Variants in SPOCD1 observed in about 807,000 individuals in gnomAD.
SPOCD1 encodes SPOC domain-containing protein 1.
SPOCD1 carries 64 observed loss-of-function variants against 92.2 expected under a neutral mutation model. That is an observed-to-expected ratio of 0.69 (90% CI 0.57 to 0.86). The LOEUF (loss-of-function observed/expected upper bound fraction) is 0.86, where lower values mean the gene tolerates loss of function less well. Among genes scored for constraint, SPOCD1 ranks in the 40% least tolerant of loss-of-function variants. The pLI is 0.00. For synonymous variants in SPOCD1, 578 were observed against 619.3 expected, an observed-to-expected ratio of 0.93 and a Z score of 0.99; for missense variants, 1,360 against 1,543.1, an observed-to-expected ratio of 0.88 and a Z score of 1.99.
At chr1:31,813,823 G>T in intron 2 of SPOCD1, 128 bp downstream of exon 2, 2 of 816,266 alleles carry the variant, frequency 2.5e-6, no homozygotes, top group Non-Finnish European at 3.6e-6. Flanking sequence ...ACCCAGTTTA[G>T]TTAATAGGGA....
chr1:31,798,581 G>A lies in SPOCD1; in HGVS notation c.1889C>T (p.Pro630Leu). Residue 630 changes from proline to leucine, a missense_variant, in exon 8 of 16, where the codon CCA (proline) becomes CTA (leucine). Pro to Leu is a moderately conservative substitution (Grantham distance 98, BLOSUM62 -3). Transcript: ENST00000360482. This position sits in a 1 kb window ranked among gnomAD's most constrained non-coding sequence, Gnocchi z 4.1. ...CTCCACCACCTCCTCACTCAGCACT[G>A]GGTCTGGGAGCTCCCGAAGGCTGTG... is the stretch of plus-strand genomic sequence containing the variant. ...LWTRLRELPD[P>L]VLSEEVVEGI... 6.2e-7 allele frequency: 1 copy of A among 1,613,298 alleles called. No individual in the cohort carries two copies. Among genetic ancestry groups the A allele is most frequent in the Non-Finnish European group, 8.5e-7 (1 of 1,179,894 alleles).
rs949818709 is a variant in SPOCD1, at chr1:31,815,966, C to T, written c.-45G>A. The T allele has an allele frequency of 6.7e-6, 1 of 150,226 alleles. No individual in the cohort carries two copies. The highest frequency in any genetic ancestry group is 2.1e-4 in the South Asian group (1 of 4,722). 9.3% of individuals were successfully genotyped at this position (150,226 alleles called of 1,614,324 possible). ...ATCGGTCGCGTCGCTCTCACCTGGG[C>T]TTCCCTGAGTTTTCCCTCCTGGGGT... On this transcript the variant is annotated 5_prime_UTR_variant, in exon 1 of 16. Transcript: ENST00000360482.
In SPOCD1 at chr1:31,793,320, G is replaced by A; in HGVS notation, c.2643C>T (p.Ala881=). ...LDMFSIKRFR[A]RAQLVSGHSC... is the part of the protein sequence containing the mutation. ...TGTGTCCCGAGACCAGCTGGGCCCT[G>A]GCCCGGAACCGCTTGATGGAGAACA... The change falls in exon 13 of 16, where the codon GCC becomes GCT. Residue 881 remains alanine, a synonymous_variant. Coordinates refer to ENST00000360482, the MANE Select transcript of SPOCD1 (RefSeq NM_144569.7). 6.3e-7 allele frequency: 1 copy of A among 1,592,280 alleles called. No individual in the cohort carries two copies. Among genetic ancestry groups the A allele is most frequent in the Non-Finnish European group, 8.6e-7 (1 of 1,169,400 alleles).
rs1647831019 is a variant in SPOCD1 at position 31,794,223 on chromosome 1, A to T, written c.2284T>A (p.Phe762Ile). Reference sequence around the variant, plus strand: ...AGGGCCTGTGGGCTGCAGTCCATGAACATCTGCGGTCCCTGGGAGGCAGAA... The same window carrying T: ...AGGGCCTGTGGGCTGCAGTCCATGATCATCTGCGGTCCCTGGGAGGCAGAA... ...TLEDLVGPQM[F>I]MDCSPQALPI... The change falls in exon 11 of 16, where the codon TTC becomes ATC. Residue 762 changes from phenylalanine to isoleucine, a missense_variant. Phe to Ile is a conservative substitution (Grantham distance 21, BLOSUM62 0). Around this residue, in one of 3 missense-constraint regions of SPOCD1, gnomAD observed 614 missense variants for 757.8 expected, o/e 0.81. Transcript: ENST00000360482. 6.2e-7 allele frequency: 1 copy of T among 1,612,676 alleles called. No homozygotes were observed. Among genetic ancestry groups the T allele is most frequent in the Admixed American group, 1.7e-5 (1 of 59,996 alleles).
In SPOCD1 at chr1:31,800,043, G is replaced by A; in HGVS notation, c.1701C>T (p.Asp567=). The change falls in exon 5 of 16, where the codon GAC becomes GAT. Residue 567 remains aspartate (D), a synonymous_variant. Coordinates refer to ENST00000360482, the MANE Select transcript of SPOCD1 (RefSeq NM_144569.7). The part of the protein sequence containing the change: ...PPRSGSLALG[D]PSSDPACSQS... ...GGGAACATGCAGGGTCCGAGCTGGG[G>A]TCGCCAAGGGCCAGGGAACCGCTTC... 1 of 1,611,376 alleles carries A rather than the reference G, an allele frequency of 6.2e-7. No homozygotes were observed. Among genetic ancestry groups the A allele is most frequent in the South Asian group, 1.1e-5 (1 of 90,914 alleles).
chr1:31,799,884 A>G (rs1352006351), intron 5 of SPOCD1, 21 bp from the exon 6 acceptor site: 13 of 1,613,950 alleles, frequency 8.1e-6, no homozygotes, highest in Non-Finnish European at 1.1e-5. Context: ...GGCGTGAGGA[A>G]TTGAGGCTGT....
Position 31,814,978 on chromosome 1 carries a change from A to T in SPOCD1, c.356T>A (p.Leu119His), listed in dbSNP as rs1462154114. 6.2e-7 allele frequency: 1 copy of T among 1,613,832 alleles called. No homozygotes were observed. The highest frequency in any genetic ancestry group is 2.2e-5 in the East Asian group (1 of 44,866). The change falls in exon 2 of 16, where the codon CTC (leucine) becomes CAC (histidine). Residue 119 changes from leucine to histidine, a missense_variant. Physicochemically the swap from Leu to His is moderately conservative, Grantham distance 99 (BLOSUM62 -3). Coordinates refer to ENST00000360482, the MANE Select transcript of SPOCD1 (RefSeq NM_144569.7). The surrounding 1 kb of genome is among the most constrained non-coding windows in gnomAD (Gnocchi z 4.2). ...TQGRALTSKR[L>H]QVSLCDILDD... is the part of the protein sequence containing the mutation. ...TAAGATGTCACACAGAGAAACCTGG[A>T]GCCTCTTGGAGGTCAGAGCTCTCCC...
At position 31,796,486 on chromosome 1, in the gene SPOCD1, C is replaced by G. The variant is rs555830621; in HGVS notation, c.2271+104G>C. 3.6e-5 allele frequency: 57 copies of G among 1,569,596 alleles called. No individual in the cohort carries two copies. The East Asian group carries it at 5.6e-4, about 15-fold the overall frequency. ...GTTTTATCACAAACAAGGTGGGCCTCAGAGCAGTCAGGTGACATGCCCAAG... is the reference window on the plus strand; with the variant it reads ...GTTTTATCACAAACAAGGTGGGCCTGAGAGCAGTCAGGTGACATGCCCAAG... On this transcript the variant is annotated intron_variant, in intron 10 of 15. Transcript: ENST00000360482.
intron 9 of SPOCD1, among the ~76,000 whole-genome samples, chr1:31,797,831 C>A (rs1648131371): frequency 6.6e-6 from 1 of 152,152 alleles, no homozygotes; most frequent in African/African-American, 2.4e-5. Flanking sequence ...ACCTGGGGTA[C>A]CAGGAAGACC....
intron 2 of SPOCD1, among the ~76,000 whole-genome samples, chr1:31,811,242 C>T (rs1317148708): frequency 6.6e-6 from 1 of 152,150 alleles, no homozygotes; most frequent in Non-Finnish European, 1.5e-5. Flanking sequence ...AAGGCCGACG[C>T]AGCGGATCAC....
intron 4 of SPOCD1, 74 bp downstream of exon 4, chr1:31,800,367 T>C: frequency 6.8e-7 from 1 of 1,470,316 alleles, no homozygotes; most frequent in Non-Finnish European, 9.1e-7. Context: ...TCTCTGAGCC[T>C]CAGTGACATC....
In SPOCD1 at chr1:31,791,026, G is replaced by T; in HGVS notation, c.3228C>A (p.Gly1076=). 6.2e-7 allele frequency: 1 copy of T among 1,611,190 alleles called. No individual in the cohort carries two copies. Among genetic ancestry groups the T allele is most frequent in the Non-Finnish European group, 8.5e-7 (1 of 1,178,956 alleles). ...CAGAGATTCCCCTTGGAGCTATACT[G>T]CCCCTGCCCTGGCTCTGCTGCCAGG... The part of the protein sequence containing the change: ...GGAWQQSQGR[G]SIAPRGISAW... The change falls in exon 16 of 16, where the codon GGC becomes GGA. Residue 1076 remains glycine (G), a synonymous_variant. Coordinates refer to ENST00000360482, the MANE Select transcript of SPOCD1 (RefSeq NM_144569.7).
chr1:31,810,354 A>ATTTT (rs35691769), intron 2 of SPOCD1, among the ~76,000 whole-genome samples: 16,720 of 137,788 alleles, frequency 0.12, 1,261 homozygotes, highest in Middle Eastern at 0.18. Context: ...TTAGTGTTGA[A>ATTTT]TTTTTTTTTT....
At chr1:31,793,190 G>T in intron 13 of SPOCD1, 88 bp downstream of exon 13, 1 of 1,439,656 alleles carries the variant, frequency 6.9e-7, no homozygotes, top group Non-Finnish European at 9.3e-7. Context: ...AATTGTTTTA[G>T]AATGCATGAG....
rs531538763 is a variant in SPOCD1 at position 31,794,288 on chromosome 1, G to A, written c.2272-53C>T. On this transcript the variant is annotated intron_variant, in intron 10 of 15. Transcript: ENST00000360482. ...CTGAAAACGTGGCTGGGGGTGCCCGGAGGCCTCCATGGGTAGGGGGCCCCA... is the reference window on the plus strand; with the variant it reads ...CTGAAAACGTGGCTGGGGGTGCCCGAAGGCCTCCATGGGTAGGGGGCCCCA... The A allele has an allele frequency of 6.9e-6, 10 of 1,440,104 alleles. No homozygotes were observed. The South Asian group carries it at 1.2e-4, about 18-fold the overall frequency. 89.2% of individuals were successfully genotyped at this position (1,440,104 alleles called of 1,614,324 possible). A position where few individuals can be genotyped will look rare whatever the true frequency, so the allele number is the denominator to read the frequency against.
intron 15 of SPOCD1, 67 bp downstream of exon 15, chr1:31,792,148 T>C: frequency 5.9e-6 from 9 of 1,517,172 alleles, no homozygotes; most frequent in Non-Finnish European, 8.0e-6. Context: ...GGTGACTGTG[T>C]CAACCGTGCC....
intron 2 of SPOCD1, among the ~76,000 whole-genome samples, chr1:31,809,947 A>G (rs886230118): frequency 2.0e-5 from 3 of 151,530 alleles, no homozygotes; most frequent in African/African-American, 7.3e-5. Flanking sequence ...CTCCTGCAAC[A>G]CTCCAAGCTG....
At chr1:31,795,086 A>C (rs1349383393) in intron 10 of SPOCD1, 5 of 152,270 alleles carry the variant, frequency 3.3e-5, no homozygotes, top group Non-Finnish European at 5.9e-5. Context: ...TAAACTTTAA[A>C]TTATGTCCTT....
In SPOCD1 at chr1:31,798,591, G is replaced by A; in HGVS notation, c.1879C>T (p.Leu627Phe). The A allele has an allele frequency of 1.2e-6, 2 of 1,612,798 alleles. No homozygotes were observed. Among genetic ancestry groups the A allele is most frequent in the Non-Finnish European group, 1.7e-6 (2 of 1,179,668 alleles). ...TCCTCACTCAGCACTGGGTCTGGGA[G>A]CTCCCGAAGGCTGTGGAGGCCAGGG... ...QEVLWTRLRELPDPVLSEEVV... is the reference protein window; with the variant it reads ...QEVLWTRLREFPDPVLSEEVV... Residue 627 changes from leucine to phenylalanine, a missense_variant, in exon 8 of 16, where the codon CTC (leucine) becomes TTC (phenylalanine). Leu to Phe is a conservative substitution (Grantham distance 22). Around this residue, in one of 3 missense-constraint regions of SPOCD1, gnomAD observed 606 missense variants for 601.5 expected, o/e 1.01. Coordinates refer to ENST00000360482, the MANE Select transcript of SPOCD1 (RefSeq NM_144569.7). The surrounding 1 kb of genome is among the most constrained non-coding windows in gnomAD (Gnocchi z 4.1).
Sources: allele counts gnomAD v4.1 joint callset (sites outside exome capture counted in the v4.1 genomes callset), GRCh38; gene constraint gnomAD v4.1.1; regional missense constraint gnomAD v4.1.1; non-coding constraint Gnocchi (gnomAD v3.1); transcripts MANE v1.5; gene names NCBI Gene and HGNC (gene_info 2026-07-23, HGNC 2026-07-21).